Variants in MYO3B observed in about 807,000 individuals in gnomAD.
The protein encoded by MYO3B is myosin IIIB.
A neutral mutation model predicts 174.6 loss-of-function variants in MYO3B; 156 were observed. The observed-to-expected ratio is 0.89, with a 90% CI of 0.78 to 1.02. The LOEUF (loss-of-function observed/expected upper bound fraction) is 1.02, where lower values mean the gene tolerates loss of function less well. MYO3B is among the 50% of genes least tolerant of loss of function. The pLI is 0.00. For missense variants in MYO3B, 1,632 were observed against 1,639.4 expected (o/e 1.00, Z 0.08); for synonymous variants, 563 against 569.1 (o/e 0.99, Z 0.15).
intron 7 of MYO3B, among the ~76,000 whole-genome samples, chr2:170,276,366 C>T (rs2093463909): frequency 6.6e-6 from 1 of 152,252 alleles, no homozygotes; most frequent in East Asian, 1.9e-4. Flanking sequence ...CCTCATGATG[C>T]TCTAAATAAT....
At chr2:170,455,948 T>C (rs1683882689) in intron 23 of MYO3B, among the ~76,000 whole-genome samples, 1 of 152,152 alleles carries the variant, frequency 6.6e-6, no homozygotes, top group Non-Finnish European at 1.5e-5. Flanking sequence ...CATTTTGATA[T>C]TGGTCTTATA....
At position 170,443,958 on chromosome 2, in the gene MYO3B, C is replaced by G. The variant is rs940934804; in HGVS notation, c.2651-9C>G. The G allele has an allele frequency of 1.9e-6, 3 of 1,606,850 alleles. No individual in the cohort carries two copies. The highest frequency in any genetic ancestry group is 1.7e-5 in the Admixed American group (1 of 59,948). On this transcript the variant is annotated splice_polypyrimidine_tract_variant and intron_variant, in intron 22 of 34. Transcript: ENST00000408978. The stretch of plus-strand genomic sequence containing the variant: ...CTTTAATTTATGTTCTTTGTGGTCT[C>G]TTTCTCAGGTAATTTGGCCCAGACA...
chr2:170,602,211 A>T, intron 32 of MYO3B: 1 of 1,189,924 alleles, frequency 8.4e-7, no homozygotes, highest in Non-Finnish European at 1.2e-6. Context: ...TCGGCTTCTT[A>T]GGGTCTCCTT....
intron 7 of MYO3B, among the ~76,000 whole-genome samples, chr2:170,326,370 AG>A (rs907352599): frequency 2.0e-5 from 3 of 152,244 alleles, no homozygotes; most frequent in East Asian, 1.9e-4. Flanking sequence ...GAAAAAGAAC[AG>A]GGTTGTGGTT....
At chr2:170,232,413 G>A (rs1425921128) in intron 6 of MYO3B, among the ~76,000 whole-genome samples, 3 of 152,144 alleles carry the variant, frequency 2.0e-5, no homozygotes, top group Non-Finnish European at 4.4e-5. Context: ...GTTTCCTCCT[G>A]GTAAGGAGCA....
intron 7 of MYO3B, among the ~76,000 whole-genome samples, chr2:170,273,934 G>A (rs1478349406): frequency 6.6e-6 from 1 of 152,176 alleles, no homozygotes; most frequent in Non-Finnish European, 1.5e-5. Flanking sequence ...CATAGATGTG[G>A]AGCTGGGCCA....
At chr2:170,577,750 G>A (rs1433148829) in intron 32 of MYO3B, among the ~76,000 whole-genome samples, 1 of 152,172 alleles carries the variant, frequency 6.6e-6, no homozygotes, top group Non-Finnish European at 1.5e-5. Flanking sequence ...ACTTGAAGCA[G>A]AGAAGCATTT....
At chr2:170,193,214 T>G (rs1313246671) in intron 1 of MYO3B, among the ~76,000 whole-genome samples, 1 of 152,050 alleles carries the variant, frequency 6.6e-6, no homozygotes, top group East Asian at 1.9e-4. Flanking sequence ...TTATTATTGA[T>G]TTAAAGTCTG....
At chr2:170,439,736 A>G (rs2094785127) in intron 22 of MYO3B, among the ~76,000 whole-genome samples, 2 of 152,262 alleles carry the variant, frequency 1.3e-5, no homozygotes, top group South Asian at 4.1e-4. Flanking sequence ...GCTGGAATGC[A>G]GTGGTGCTAT....
intron 8 of MYO3B, among the ~76,000 whole-genome samples, chr2:170,353,011 AG>A (rs773498349): frequency 6.6e-6 from 1 of 152,368 alleles, no homozygotes; most frequent in Non-Finnish European, 1.5e-5. Context: ...TTCTTACAAA[AG>A]TAAACATATG....
chr2:170,386,344 G>A, intron 13 of MYO3B, 72 bp downstream of exon 13: 1 of 1,291,638 alleles, frequency 7.7e-7, no homozygotes, highest in Non-Finnish European at 1.1e-6. Flanking sequence ...GATAAATGAT[G>A]GAAGTGCTGG....
chr2:170,365,400 A>G lies in MYO3B; in HGVS notation c.816-3822A>G, dbSNP rs560974020. Reference sequence around the variant, plus strand: ...GCTTCTCTTGTCCTTCTGTCTTTCCAATTAGATTGTAGATCCTTGAGGAAA... The same window carrying G: ...GCTTCTCTTGTCCTTCTGTCTTTCCGATTAGATTGTAGATCCTTGAGGAAA... On this transcript the variant is annotated intron_variant, in intron 8 of 34. Coordinates refer to ENST00000408978, the MANE Select transcript of MYO3B (RefSeq NM_138995.5). Among the ~76,000 whole-genome samples the G allele has an allele frequency of 1.2e-4, 19 of 152,258 alleles. 1 individual carries two copies. The South Asian group carries it at 3.7e-3, about 30-fold the overall frequency.
intron 1 of MYO3B, among the ~76,000 whole-genome samples, chr2:170,194,253 G>A (rs1316986135): frequency 6.6e-6 from 1 of 152,016 alleles, no homozygotes; most frequent in African/African-American, 2.4e-5. Flanking sequence ...GCCTGTCATC[G>A]CATCACTTTG....
intron 7 of MYO3B, among the ~76,000 whole-genome samples, chr2:170,328,635 CA>C (rs2093887081): frequency 6.6e-6 from 1 of 152,124 alleles, no homozygotes; most frequent in Non-Finnish European, 1.5e-5. Flanking sequence ...ATATGTAAGC[CA>C]TTTCAGCCTT....
chr2:170,485,428 G>C (rs994974476), intron 25 of MYO3B, among the ~76,000 whole-genome samples: 16 of 146,674 alleles, frequency 1.1e-4, no homozygotes, highest in African/African-American at 4.1e-4. Flanking sequence ...CACAGAGAGA[G>C]AGAGAGAGAG....
chr2:170,179,202 TTAAAA>T (rs991811787), intron 1 of MYO3B, among the ~76,000 whole-genome samples: 10 of 152,082 alleles, frequency 6.6e-5, no homozygotes, highest in African/African-American at 9.7e-5. Context: ...AACCTGGAAC[TTAAAA>T]TAAAATAAAA....
chr2:170,373,177 G>C (rs1183254758), intron 9 of MYO3B, among the ~76,000 whole-genome samples: 2 of 152,212 alleles, frequency 1.3e-5, no homozygotes, highest in African/African-American at 2.4e-5. Context: ...TCAGGACTTA[G>C]TGATGGATTG....
intron 25 of MYO3B, among the ~76,000 whole-genome samples, chr2:170,494,722 C>T (rs1438780045): frequency 9.8e-5 from 6 of 61,294 alleles, no homozygotes; most frequent in Admixed American, 2.9e-4. Flanking sequence ...AGTTAAACTG[C>T]GTCTCAAAAA....
At chr2:170,530,986 C>T (rs1689318213) in intron 30 of MYO3B, among the ~76,000 whole-genome samples, 1 of 152,210 alleles carries the variant, frequency 6.6e-6, no homozygotes, top group Non-Finnish European at 1.5e-5. Flanking sequence ...TCCTCTCCCC[C>T]TCCCTCTCCT....
Sources: allele counts gnomAD v4.1 joint callset (sites outside exome capture counted in the v4.1 genomes callset), GRCh38; gene constraint gnomAD v4.1.1; transcripts MANE v1.5; gene names NCBI Gene and HGNC (gene_info 2026-07-23, HGNC 2026-07-21).